WNT4: variants seen among roughly 807,000 people sequenced by gnomAD.
The protein encoded by WNT4 is Wnt family member 4.
Under a neutral mutation model 34.5 loss-of-function variants are expected in WNT4, and 16 were observed. That is an observed-to-expected ratio of 0.46 (90% CI 0.31 to 0.70). The LOEUF (loss-of-function observed/expected upper bound fraction) is 0.70. Among genes scored for constraint, WNT4 ranks in the 30% least tolerant of loss-of-function variants. WNT4 has a pLI of 0.04. For missense variants in WNT4, 379 were observed against 495.9 expected (o/e 0.76, Z 2.24); for synonymous variants, 200 against 211.9 (o/e 0.94, Z 0.49).
Position 22,143,032 on chromosome 1 carries a change from T to C in WNT4, c.-110A>G. ...CGGGCCGGGGCGCGCGCGGCGGGGC[T>C]CTGCCTCCGTGTGCCTGCCGGCAGC... On this transcript the variant is annotated 5_prime_UTR_variant, in exon 1 of 5. Transcript: ENST00000290167. 1 of 383,398 alleles carries C rather than the reference T, an allele frequency of 2.6e-6. No individual in the cohort carries two copies. Among genetic ancestry groups the C allele is most frequent in the Non-Finnish European group, 3.5e-6 (1 of 285,236 alleles). 23.7% of individuals were successfully genotyped at this position (383,398 alleles called of 1,614,324 possible).
At chr1:22,121,661 C>G in intron 2 of WNT4, 85 bp from the exon 3 acceptor site, 1 of 1,560,978 alleles carries the variant, frequency 6.4e-7, no homozygotes, top group East Asian at 2.3e-5. Context: ...GCATATGGAG[C>G]CTCCTGCTTG....
rs749363129 is a variant in WNT4, at chr1:22,120,419, C to T, written c.687G>A (p.Gln229=). The change falls in exon 5 of 5, where the codon CAG becomes CAA. Residue 229 remains glutamine (Q), a synonymous_variant. Transcript: ENST00000290167. ...ACTTCTCCTTCAGTGCGTGACCCAC[C>T]TGGCGGAAGGGCGGCACGGCTCGCC... The part of the protein sequence containing the change: ...TCWRAVPPFR[Q]VGHALKEKFD... The T allele has an allele frequency of 1.2e-6, 2 of 1,613,912 alleles. No individual in the cohort carries two copies. Among genetic ancestry groups the T allele is most frequent in the African/African-American group, 1.3e-5 (1 of 75,072 alleles).
chr1:22,130,212 C>T (rs1211191850), intron 1 of WNT4, among the ~76,000 whole-genome samples: 3 of 152,168 alleles, frequency 2.0e-5, no homozygotes, highest in Admixed American at 6.5e-5. Context: ...TGTTCCCTGC[C>T]GAGATGCCTT....
intron 2 of WNT4, among the ~76,000 whole-genome samples, chr1:22,124,512 C>A (rs1014446861): frequency 6.6e-6 from 1 of 152,158 alleles, no homozygotes; most frequent in African/African-American, 2.4e-5. Flanking sequence ...CACTAACAGC[C>A]ACTCTTTCTG....
Position 22,140,184 on chromosome 1 carries a change from C to T in WNT4, c.77+2662G>A, listed in dbSNP as rs2124139275. The T allele has an allele frequency of 1.0e-6, 1 of 985,458 alleles. No individual in the cohort carries two copies. Among genetic ancestry groups the T allele is most frequent in the East Asian group, 1.1e-4 (1 of 8,808 alleles). The allele number at this position is 985,458 out of a possible 1,614,324, so 61.0% of individuals were successfully genotyped here. On this transcript the variant is annotated intron_variant, in intron 1 of 4. Coordinates refer to ENST00000290167, the MANE Select transcript of WNT4 (RefSeq NM_030761.5). The surrounding 1 kb of genome is among the most constrained non-coding windows in gnomAD (Gnocchi z 5.9). The stretch of plus-strand genomic sequence containing the variant: ...GTCAGCTATCCTCTCGGGGCCAGGC[C>T]TCCTCATACCTCACACTTGAAAAGA...
In WNT4 at chr1:22,119,130, A is replaced by G. The variant is rs1391995241; in HGVS notation, c.*920T>C. The G allele has an allele frequency of 1.4e-5, 2 of 143,990 alleles. No individual in the cohort carries two copies. The highest frequency in any genetic ancestry group is 1.5e-5 in the Non-Finnish European group (1 of 67,272). 8.9% of individuals were successfully genotyped at this position (143,990 alleles called of 1,614,324 possible). ...GTGCTGTGAAAGGTGACTCAGGGGC[A>G]TGACTGCAAAGGCACAGCCCTTTCC... is the stretch of plus-strand genomic sequence containing the variant. On this transcript the variant is annotated 3_prime_UTR_variant, in exon 5 of 5. Coordinates refer to ENST00000290167, the MANE Select transcript of WNT4 (RefSeq NM_030761.5).
Position 22,140,350 on chromosome 1 carries a change from A to C in WNT4, c.77+2496T>G. On this transcript the variant is annotated intron_variant, in intron 1 of 4. Coordinates refer to ENST00000290167, the MANE Select transcript of WNT4 (RefSeq NM_030761.5). This position sits in a 1 kb window ranked among gnomAD's most constrained non-coding sequence, Gnocchi z 5.9. ...TACCTCTGCGATCCCCAATCTTCTCATCTGTAACGGGATTGAAACGTTGTT... is the reference window on the plus strand; with the variant it reads ...TACCTCTGCGATCCCCAATCTTCTCCTCTGTAACGGGATTGAAACGTTGTT... The C allele has an allele frequency of 1.9e-5, 15 of 807,448 alleles. No individual in the cohort carries two copies. Among genetic ancestry groups the C allele is most frequent in the Non-Finnish European group, 2.1e-5 (14 of 667,626 alleles). The allele number at this position is 807,448 out of a possible 1,614,324, so 50.0% of individuals were successfully genotyped here. A position where few individuals can be genotyped will look rare whatever the true frequency, so the allele number is the denominator to read the frequency against.
chr1:22,135,754 GCCTTA>G (rs1193379956), intron 1 of WNT4, among the ~76,000 whole-genome samples: 1 of 152,150 alleles, frequency 6.6e-6, no homozygotes, highest in Non-Finnish European at 1.5e-5. Context: ...TCACCCCTCA[GCCTTA>G]GCATGGTCCT....
intron 1 of WNT4, among the ~76,000 whole-genome samples, chr1:22,132,593 G>A (rs1411920224): frequency 2.6e-5 from 4 of 152,182 alleles, no homozygotes; most frequent in Non-Finnish European, 4.4e-5. Flanking sequence ...CATTGAATAA[G>A]TAGTAAGATG....
chr1:22,136,728 C>T (rs1027718665), intron 1 of WNT4, among the ~76,000 whole-genome samples: 1 of 152,180 alleles, frequency 6.6e-6, no homozygotes, highest in Admixed American at 6.5e-5. Context: ...CCTAAGTGCC[C>T]AGCACAGGGC....
At position 22,142,827 on chromosome 1, in the gene WNT4, C is replaced by G. The variant is rs1341391695; in HGVS notation, c.77+19G>C. ...CTGCCCCGCCCCGCCCCGCCCCGCT[C>G]GGCCCCGGCCAGACTTACAGCCAGT... On this transcript the variant is annotated intron_variant, in intron 1 of 4. Transcript: ENST00000290167. This position sits in a 1 kb window ranked among gnomAD's most constrained non-coding sequence, Gnocchi z 6.0. 8.5e-7 allele frequency: 1 copy of G among 1,175,984 alleles called. No homozygotes were observed. Among genetic ancestry groups the G allele is most frequent in the East Asian group, 9.5e-5 (1 of 10,518 alleles). The allele number at this position is 1,175,984 out of a possible 1,614,324, so 72.8% of individuals were successfully genotyped here.
chr1:22,142,903 A>G lies in WNT4; in HGVS notation c.20T>C (p.Leu7Pro). The change falls in exon 1 of 5, where the codon CTG (leucine) becomes CCG (proline). Residue 7 changes from leucine to proline, a missense_variant. Leu to Pro is a moderately conservative substitution (Grantham distance 98). This residue lies in a region of WNT4 where 66 missense variants were observed against 50.1 expected (regional missense o/e 1.32). Transcript: ENST00000290167. The surrounding 1 kb of genome is among the most constrained non-coding windows in gnomAD (Gnocchi z 6.0). MSPRSC[L>P]RSLRLLVFAV... Reference sequence around the variant, plus strand: ...GAAGACGAGGAGGCGCAGCGAACGCAGGCACGAGCGGGGACTCATGGTGCC... The same window carrying G: ...GAAGACGAGGAGGCGCAGCGAACGCGGGCACGAGCGGGGACTCATGGTGCC... 8.3e-7 allele frequency: 1 copy of G among 1,207,534 alleles called. No homozygotes were observed. The highest frequency in any genetic ancestry group is 1.4e-5 in the South Asian group (1 of 72,706). The allele number at this position is 1,207,534 out of a possible 1,614,324, so 74.8% of individuals were successfully genotyped here.
chr1:22,128,170 A>G (rs1479811890), intron 2 of WNT4, among the ~76,000 whole-genome samples: 2 of 152,242 alleles, frequency 1.3e-5, no homozygotes, highest in Non-Finnish European at 2.9e-5. Context: ...GGCCCCTGCC[A>G]GCTCTTAGGA....
rs146542577 is a variant in WNT4, at chr1:22,140,815, C to T, written c.77+2031G>A. 1.1e-3 allele frequency among the ~76,000 whole-genome samples: 171 copies of T among 152,324 alleles called. 1 individual carries two copies. Among genetic ancestry groups the T allele is most frequent in the African/African-American group, 3.7e-3 (154 of 41,574 alleles). On this transcript the variant is annotated intron_variant, in intron 1 of 4. Coordinates refer to ENST00000290167, the MANE Select transcript of WNT4 (RefSeq NM_030761.5). This position sits in a 1 kb window ranked among gnomAD's most constrained non-coding sequence, Gnocchi z 5.9. ...AGCTGGGTCATCCAGAGACCTGCTT[C>T]GTGGCAACCTGAACCATCACCGTTG...
At chr1:22,124,063 T>G (rs930025654) in intron 2 of WNT4, among the ~76,000 whole-genome samples, 2 of 152,198 alleles carry the variant, frequency 1.3e-5, no homozygotes, top group African/African-American at 4.8e-5. Context: ...TCCTCATCTC[T>G]GCCCAGGTTC....
At position 22,118,436 on chromosome 1, in the gene WNT4, A is replaced by G. The variant is rs1474076422; in HGVS notation, c.*1614T>C. 1 of 152,222 alleles carries G rather than the reference A, an allele frequency of 6.6e-6. No homozygotes were observed. Among genetic ancestry groups the G allele is most frequent in the Non-Finnish European group, 1.5e-5 (1 of 68,056 alleles). 9.4% of individuals were successfully genotyped at this position (152,222 alleles called of 1,614,324 possible). ...TGGGTCAAGGGCAAGGTCTTGATCC[A>G]TGCATGTCCTTCTCACAAGCCTGGG... On this transcript the variant is annotated 3_prime_UTR_variant, in exon 5 of 5. Transcript: ENST00000290167.
chr1:22,125,045 A>G (rs547513051), intron 2 of WNT4, among the ~76,000 whole-genome samples: 12 of 152,312 alleles, frequency 7.9e-5, no homozygotes, highest in African/African-American at 2.6e-4. Context: ...TTAAGAGACA[A>G]TATAGGATCA....
In WNT4 at chr1:22,139,413, C is replaced by T. The variant is rs1159063798; in HGVS notation, c.77+3433G>A. Among the ~76,000 whole-genome samples, 1 of 152,176 alleles carries T rather than the reference C, an allele frequency of 6.6e-6. No homozygotes were observed. Among genetic ancestry groups the T allele is most frequent in the African/African-American group, 2.4e-5 (1 of 41,422 alleles). On this transcript the variant is annotated intron_variant, in intron 1 of 4. Transcript: ENST00000290167. The surrounding 1 kb of genome is among the most constrained non-coding windows in gnomAD (Gnocchi z 4.6). ...ACCCGAGGCTCGGAGAGGTTAATAA[C>T]CTGTCCAAGGTCACTCAGCTGGGCA...
Position 22,129,665 on chromosome 1 carries a change from G to C in WNT4, c.264C>G (p.Asn88Lys), listed in dbSNP as rs762688171. ...CGGGCAAGGAGTCGAGTGTGGAGCA[G>C]TTCCAGCGCCGGTTCCGGAACTGGT... Reference protein sequence around the residue: ...CQYQFRNRRWNCSTLDSLPVF... With the variant: ...CQYQFRNRRWKCSTLDSLPVF... Residue 88 changes from asparagine (N) to lysine (K), a missense_variant, in exon 2 of 5, where the codon AAC becomes AAG. Physicochemically the swap from Asn to Lys is moderately conservative, Grantham distance 94 (BLOSUM62 0). Transcript: ENST00000290167. The C allele has an allele frequency of 6.2e-7, 1 of 1,613,836 alleles. No individual in the cohort carries two copies.
Sources: allele counts gnomAD v4.1 joint callset (sites outside exome capture counted in the v4.1 genomes callset), GRCh38; gene constraint gnomAD v4.1.1; regional missense constraint gnomAD v4.1.1; non-coding constraint Gnocchi (gnomAD v3.1); transcripts MANE v1.5; gene names NCBI Gene and HGNC (gene_info 2026-07-23, HGNC 2026-07-21).